Variants in WASHC3 observed in about 807,000 individuals in gnomAD.
WASHC3 encodes the protein WASH complex subunit 3.
Under a neutral mutation model 26.1 loss-of-function variants are expected in WASHC3, and 24 were observed. The ratio of observed to expected loss-of-function variants is 0.92; its 90% CI spans 0.66 to 1.29. The LOEUF (loss-of-function observed/expected upper bound fraction) is 1.29, where lower values mean the gene tolerates loss of function less well. Ranked by LOEUF, WASHC3 falls within the 50% of genes most tolerant of loss-of-function variation. The probability of loss-of-function intolerance (pLI) is 0.00; values close to 1 mark genes in which losing one functional copy is unlikely to be tolerated. For synonymous variants in WASHC3, 77 were observed against 75.7 expected (o/e 1.02, Z -0.09); for missense variants, 214 against 229.6 (o/e 0.93, Z 0.44).
At chr12:102,018,942 C>T (rs780408437) in intron 6 of WASHC3, among the ~76,000 whole-genome samples, 4 of 152,258 alleles carry the variant, frequency 2.6e-5, no homozygotes, top group African/African-American at 7.2e-5. Context: ...GTATTACAGG[C>T]GAGTGCCACC....
chr12:102,027,386 C>T (rs1178206613), intron 5 of WASHC3, among the ~76,000 whole-genome samples: 1 of 152,040 alleles, frequency 6.6e-6, no homozygotes, highest in Non-Finnish European at 1.5e-5. Context: ...TTGTATTTCC[C>T]AGTAAAATCT....
chr12:102,056,559 C>T (rs760700321), intron 2 of WASHC3, among the ~76,000 whole-genome samples: 8 of 152,126 alleles, frequency 5.3e-5, no homozygotes, highest in Admixed American at 1.3e-4. Flanking sequence ...AATTTTACTG[C>T]ATATAAGTTC....
chr12:102,013,189 C>T lies in WASHC3; in HGVS notation c.504G>A (p.Arg168=). 1.3e-6 allele frequency: 2 copies of T among 1,512,354 alleles called. No individual in the cohort carries two copies. Among genetic ancestry groups the T allele is most frequent in the Non-Finnish European group, 1.8e-6 (2 of 1,113,326 alleles). 93.7% of individuals were successfully genotyped at this position (1,512,354 alleles called of 1,614,324 possible). A position where few individuals can be genotyped will look rare whatever the true frequency, so the allele number is the denominator to read the frequency against. ...SEGLDPDLLE[R]PDAPVPDGES... ...CGCCATCAGGCACTGGAGCATCTGG[C>T]CTCCTAAAAGAAAAGAAAAAAAAAT... is the stretch of plus-strand genomic sequence containing the variant. The change falls in exon 7 of 7, where the codon AGG becomes AGA. Residue 168 remains arginine (R), a synonymous_variant. Coordinates refer to ENST00000240079, the MANE Select transcript of WASHC3 (RefSeq NM_016053.4).
At chr12:102,054,807 A>T (rs1189490215) in intron 2 of WASHC3, among the ~76,000 whole-genome samples, 1 of 152,222 alleles carries the variant, frequency 6.6e-6, no homozygotes, top group Non-Finnish European at 1.5e-5. Context: ...ATGCTCCTAA[A>T]CAACCAATAG....
rs760309752 is a variant in WASHC3 at position 102,061,956 on chromosome 12, C to T, written c.7G>A (p.Glu3Lys). 3.1e-6 allele frequency: 5 copies of T among 1,598,054 alleles called. No individual in the cohort carries two copies. Among genetic ancestry groups the T allele is most frequent in the Middle Eastern group, 1.7e-4 (1 of 6,048 alleles). ...GACCCCATGAGAGGAAGCCCGTCCT[C>T]ATCCATCTCCTCAGCGGGCGGTGGA... MDEDGLPLMGSGI... is the reference protein window; with the variant it reads MDKDGLPLMGSGI... The change falls in exon 1 of 7, where the codon GAG (glutamate) becomes AAG (lysine). Residue 3 changes from glutamate (E) to lysine (K), a missense_variant. Transcript: ENST00000240079.
intron 5 of WASHC3, 120 bp from the exon 6 acceptor site, chr12:102,026,158 A>C: frequency 1.6e-6 from 1 of 612,112 alleles, no homozygotes; most frequent in South Asian, 2.1e-5. Flanking sequence ...TTCTACTTTA[A>C]AATTAGCATG....
At chr12:102,054,892 T>C (rs934864281) in intron 2 of WASHC3, among the ~76,000 whole-genome samples, 4 of 152,134 alleles carry the variant, frequency 2.6e-5, no homozygotes, top group African/African-American at 7.2e-5. Flanking sequence ...TCAATACTTA[T>C]GGGAGGTGGC....
At chr12:102,048,625 C>T (rs1342499669) in intron 2 of WASHC3, among the ~76,000 whole-genome samples, 1 of 136,246 alleles carries the variant, frequency 7.3e-6, no homozygotes, top group Non-Finnish European at 1.6e-5. Flanking sequence ...AGACTGTCAC[C>T]AATAGAAATC....
Position 102,050,390 on chromosome 12 carries a change from G to A in WASHC3, c.151-4271C>T, listed in dbSNP as rs376300634. On this transcript the variant is annotated intron_variant, in intron 2 of 6. Transcript: ENST00000240079. ...TTCCAGCACTTGGGAGGCCGAGGCC[G>A]AGGGATCACTTAAGCCCAAGAGTTG... is the stretch of plus-strand genomic sequence containing the variant. 262 of 418,730 alleles carry A rather than the reference G, an allele frequency of 6.3e-4. 2 individuals are homozygous for A. The highest frequency in any genetic ancestry group is 4.8e-3 in the African/African-American group (237 of 49,152). The allele number at this position is 418,730 out of a possible 1,614,324, so 25.9% of individuals were successfully genotyped here.
intron 2 of WASHC3, chr12:102,050,491 C>CAA (rs1878349644): frequency 2.4e-6 from 1 of 412,096 alleles, no homozygotes. Context: ...CACACACACA[C>CAA]AATTAGCCGG....
At position 102,026,043 on chromosome 12, in the gene WASHC3, G is replaced by C. The variant is rs566377245; in HGVS notation, c.436-5C>G. On this transcript the variant is annotated splice_region_variant and splice_polypyrimidine_tract_variant and intron_variant, in intron 5 of 6. Coordinates refer to ENST00000240079, the MANE Select transcript of WASHC3 (RefSeq NM_016053.4). ...TATTGCCATCACTGGTACACCCTAA[G>C]CAAAGGATATAAGATAATTTCATCA... is the stretch of plus-strand genomic sequence containing the variant. The C allele has an allele frequency of 3.0e-5, 45 of 1,504,220 alleles. No homozygotes were observed. Among genetic ancestry groups the C allele is most frequent in the Middle Eastern group, 3.4e-4 (2 of 5,924 alleles). The allele number at this position is 1,504,220 out of a possible 1,614,324, so 93.2% of individuals were successfully genotyped here. A position where few individuals can be genotyped will look rare whatever the true frequency, so the allele number is the denominator to read the frequency against.
chr12:102,034,076 T>C (rs1191817178), intron 5 of WASHC3, among the ~76,000 whole-genome samples: 1 of 152,108 alleles, frequency 6.6e-6, no homozygotes, highest in East Asian at 1.9e-4. Context: ...GATAAGGTAG[T>C]CTGTAATGAA....
chr12:102,055,472 A>T (rs909994218), intron 2 of WASHC3, among the ~76,000 whole-genome samples: 5 of 152,118 alleles, frequency 3.3e-5, no homozygotes, highest in Non-Finnish European at 7.4e-5. Flanking sequence ...CAGCCTCCCA[A>T]GTAGGTGGGA....
chr12:102,023,088 ATATT>A (rs1171510496), intron 6 of WASHC3, among the ~76,000 whole-genome samples: 1 of 152,108 alleles, frequency 6.6e-6, no homozygotes, highest in Non-Finnish European at 1.5e-5. Context: ...ATCAAATCCA[ATATT>A]TATTTAGTAA....
intron 6 of WASHC3, among the ~76,000 whole-genome samples, chr12:102,020,776 G>A (rs923210131): frequency 6.6e-6 from 1 of 152,128 alleles, no homozygotes; most frequent in African/African-American, 2.4e-5. Flanking sequence ...AGAGCTATGC[G>A]ATGGCAATAG....
chr12:102,040,726 A>G (rs1257039451), intron 4 of WASHC3, among the ~76,000 whole-genome samples: 1 of 152,102 alleles, frequency 6.6e-6, no homozygotes, highest in African/African-American at 2.4e-5. Flanking sequence ...AAACTTGTGC[A>G]TATGAGAACC....
At chr12:102,013,456 C>G (rs901777695) in intron 6 of WASHC3, among the ~76,000 whole-genome samples, 6 of 152,302 alleles carry the variant, frequency 3.9e-5, no homozygotes, top group African/African-American at 1.4e-4. Context: ...TTCTGCTTCT[C>G]ATTACCATGG....
At chr12:102,019,641 C>T (rs529202470) in intron 6 of WASHC3, among the ~76,000 whole-genome samples, 5 of 152,068 alleles carry the variant, frequency 3.3e-5, no homozygotes, top group Non-Finnish European at 5.9e-5. Flanking sequence ...ACAATAAAAA[C>T]ACTAGCTTGG....
intron 5 of WASHC3, among the ~76,000 whole-genome samples, chr12:102,030,018 G>A (rs755252857): frequency 2.2e-4 from 33 of 152,024 alleles, no homozygotes; most frequent in Non-Finnish European, 4.0e-4. Flanking sequence ...TACTGAGGCC[G>A]GGCGCAGTGG....
Sources: allele counts gnomAD v4.1 joint callset (sites outside exome capture counted in the v4.1 genomes callset), GRCh38; gene constraint gnomAD v4.1.1; transcripts MANE v1.5; gene names NCBI Gene and HGNC (gene_info 2026-07-23, HGNC 2026-07-21).